The following MKLN1 variants were observed in gnomAD, a reference collection of about 807,000 sequenced individuals.
MKLN1 encodes the protein muskelin.
A neutral mutation model predicts 99.0 loss-of-function variants in MKLN1; 18 were observed. The ratio of observed to expected loss-of-function variants is 0.18; its 90% CI spans 0.13 to 0.27. The LOEUF (loss-of-function observed/expected upper bound fraction) is 0.27. MKLN1 is among the 10% of genes least tolerant of loss of function. The pLI is 1.00. For missense variants in MKLN1, 621 were observed against 875.9 expected (o/e 0.71, Z 3.67); for synonymous variants, 288 against 293.2 (o/e 0.98, Z 0.18).
chr7:131,414,244 T>A (rs1353227542), intron 7 of MKLN1, among the ~76,000 whole-genome samples: 4 of 152,236 alleles, frequency 2.6e-5, no homozygotes, highest in African/African-American at 9.6e-5. Flanking sequence ...ACTTTAAAAC[T>A]GCTCATCATA....
At chr7:131,424,785 A>T (rs561280431) in intron 8 of MKLN1, among the ~76,000 whole-genome samples, 16 of 152,230 alleles carry the variant, frequency 1.1e-4, no homozygotes, top group African/African-American at 3.6e-4. Flanking sequence ...AACATAGGCC[A>T]CTTTACCTCC....
At chr7:131,292,997 C>T (rs1015047584) in intron 3 of MKLN1, among the ~76,000 whole-genome samples, 1 of 152,186 alleles carries the variant, frequency 6.6e-6, no homozygotes, top group African/African-American at 2.4e-5. Context: ...AGACTGATTG[C>T]AATAGGAGGT....
chr7:131,439,083 T>C (rs1404340533), intron 10 of MKLN1, among the ~76,000 whole-genome samples: 2 of 152,182 alleles, frequency 1.3e-5, no homozygotes, highest in Non-Finnish European at 2.9e-5. Flanking sequence ...TTGGAACTTC[T>C]GTTGGCTCTA....
rs935256697 is a variant in MKLN1 at position 131,495,035 on chromosome 7, A to G, written c.*7307A>G. ...TTAGCCTCAGAGGAAGAGTACAGGA[A>G]AGCGAAGATGAGGACCTCCTTTTCT... is the stretch of plus-strand genomic sequence containing the variant. On this transcript the variant is annotated 3_prime_UTR_variant, in exon 18 of 18. Coordinates refer to ENST00000352689, the MANE Select transcript of MKLN1 (RefSeq NM_013255.5). The G allele has an allele frequency of 6.6e-6, 1 of 152,228 alleles. No homozygotes were observed. Among genetic ancestry groups the G allele is most frequent in the African/African-American group, 2.4e-5 (1 of 41,466 alleles). 9.4% of individuals were successfully genotyped at this position (152,228 alleles called of 1,614,324 possible).
chr7:131,156,710 A>C (rs1231695458), intron 2 of MKLN1, among the ~76,000 whole-genome samples: 2 of 152,318 alleles, frequency 1.3e-5, no homozygotes, highest in East Asian at 3.9e-4. Flanking sequence ...GGTTAAGTGT[A>C]TTACATGCTT....
intron 3 of MKLN1, among the ~76,000 whole-genome samples, chr7:131,249,686 G>T (rs1797547454): frequency 6.6e-6 from 1 of 152,186 alleles, no homozygotes; most frequent in Non-Finnish European, 1.5e-5. Flanking sequence ...GGCTTATACA[G>T]AAAGGGAGGA....
At chr7:131,252,708 A>G (rs1198817258) in intron 3 of MKLN1, among the ~76,000 whole-genome samples, 1 of 152,128 alleles carries the variant, frequency 6.6e-6, no homozygotes, top group African/African-American at 2.4e-5. Context: ...AGCATCACCA[A>G]GAAAACTAGA....
At chr7:131,355,887 T>C (rs1799861765) in intron 1 of MKLN1, among the ~76,000 whole-genome samples, 2 of 151,884 alleles carry the variant, frequency 1.3e-5, no homozygotes, top group Non-Finnish European at 2.9e-5. Flanking sequence ...TTGATTCTTT[T>C]GGCATCTTCT....
intron 1 of MKLN1, among the ~76,000 whole-genome samples, chr7:131,367,935 T>C (rs1412644366): frequency 6.6e-6 from 1 of 152,198 alleles, no homozygotes; most frequent in Non-Finnish European, 1.5e-5. Context: ...ATGATTGACA[T>C]ATGTAGTATA....
intron 1 of MKLN1, among the ~76,000 whole-genome samples, chr7:131,362,088 CTTGA>C (rs1800046952): frequency 6.6e-6 from 1 of 151,840 alleles, no homozygotes; most frequent in South Asian, 2.1e-4. Flanking sequence ...ATTTTTTGTA[CTTGA>C]TTTTCTTAAA....
Position 131,126,715 on chromosome 7 carries a change from G to A in MKLN1, c.-418-16105G>A, listed in dbSNP as rs574649541. 2.0e-5 allele frequency among the ~76,000 whole-genome samples: 3 copies of A among 152,278 alleles called. No homozygotes were observed. In the East Asian group the frequency reaches 5.8e-4, roughly 30 times the overall value. On this transcript the variant is annotated intron_variant, in intron 1 of 7. Coordinates refer to the MKLN1 transcript ENST00000416992. ...GTTACAGGTGCGTGCCACTGTGCCT[G>A]GCTAAATTTTGCATTTTTAGTAGAG...
At chr7:131,444,813 GT>G (rs1378682797) in intron 11 of MKLN1, among the ~76,000 whole-genome samples, 12 of 149,524 alleles carry the variant, frequency 8.0e-5, no homozygotes, top group East Asian at 3.9e-4. Flanking sequence ...AGTAGTAGTA[GT>G]AGTAGTAGAA....
chr7:131,231,525 G>C (rs1379066321), intron 3 of MKLN1, among the ~76,000 whole-genome samples: 1 of 151,852 alleles, frequency 6.6e-6, no homozygotes, highest in East Asian at 1.9e-4. Context: ...TGTTGCTCTT[G>C]TGGCCAGGGC....
At chr7:131,191,962 T>C (rs970298425) in intron 2 of MKLN1, among the ~76,000 whole-genome samples, 3 of 148,702 alleles carry the variant, frequency 2.0e-5, no homozygotes, top group Non-Finnish European at 4.4e-5. Context: ...TCAGGCAATC[T>C]GCCTGCCTCG....
chr7:131,171,249 A>G (rs1387665532), intron 2 of MKLN1, among the ~76,000 whole-genome samples: 1 of 152,162 alleles, frequency 6.6e-6, no homozygotes, highest in Non-Finnish European at 1.5e-5. Flanking sequence ...CACAGGACAG[A>G]GTGTATACTG....
chr7:131,155,569 T>A (rs1201266087), intron 2 of MKLN1, among the ~76,000 whole-genome samples: 1 of 152,158 alleles, frequency 6.6e-6, no homozygotes, highest in Non-Finnish European at 1.5e-5. Flanking sequence ...AAACATAGTT[T>A]AGGAAATTAA....
rs1563351857 is a variant in MKLN1, at chr7:131,444,746, AGTAGTAGTAGTAGAAGAAGT to A, written c.1396-1027_1396-1008del. Among the ~76,000 whole-genome samples the A allele has an allele frequency of 5.9e-4, 60 of 101,192 alleles. 1 individual carries two copies. Among genetic ancestry groups the A allele is most frequent in the African/African-American group, 2.3e-3 (59 of 25,172 alleles). 66.4% of individuals were successfully genotyped at this position (101,192 alleles called of 152,430 possible). Reference sequence around the variant, plus strand: ...TAGTAGTAGTAGTAGTAGTAGTAGTAGTAGTAGTAGTAGAAGAAGTAGTAGTAGTAGTAGTAGTAGTAGTA... The same window carrying A: ...TAGTAGTAGTAGTAGTAGTAGTAGTAAGTAGTAGTAGTAGTAGTAGTAGTA... On this transcript the variant is annotated intron_variant, in intron 11 of 17. Coordinates refer to ENST00000352689, the MANE Select transcript of MKLN1 (RefSeq NM_013255.5).
intron 15 of MKLN1, 27 bp from the exon 16 acceptor site, chr7:131,470,815 A>T: frequency 7.1e-7 from 1 of 1,403,082 alleles, no homozygotes. Context: ...ATAACTCCAG[A>T]TAATTATCCT....
rs554720424 is a variant in MKLN1 at position 131,303,086 on chromosome 7, A to G, written c.-178-72338A>G. Among the ~76,000 whole-genome samples the G allele has an allele frequency of 2.6e-5, 4 of 152,288 alleles. No homozygotes were observed. The East Asian group carries it at 7.7e-4, about 29-fold the overall frequency. ...TACATGTTTCAAGGTCACAGCCCAG[A>G]CCAAAGTGTTTACAAAAAAAACTAA... is the stretch of plus-strand genomic sequence containing the variant. On this transcript the variant is annotated intron_variant, in intron 3 of 7. Coordinates refer to the MKLN1 transcript ENST00000416992.
Sources: allele counts gnomAD v4.1 joint callset (sites outside exome capture counted in the v4.1 genomes callset), GRCh38; gene constraint gnomAD v4.1.1; transcripts MANE v1.5; gene names NCBI Gene and HGNC (gene_info 2026-07-23, HGNC 2026-07-21).